Variants in ZNF722 observed in about 807,000 individuals in gnomAD.
ZNF722 encodes zinc finger protein 722, also known as zinc finger protein 479 pseudogene.
chr7:63,998,932 G>C, the ZNF722 span: 11 of 1,573,454 alleles, frequency 7.0e-6, no homozygotes, highest in Non-Finnish European at 9.6e-6. Flanking sequence ...AGCCTCTGTG[G>C]CCTTGTGTCC....
the ZNF722 span, chr7:64,014,903 T>C: frequency 1.3e-6 from 1 of 745,600 alleles, no homozygotes; most frequent in Non-Finnish European, 2.2e-6. Flanking sequence ...GAAGGAATTA[T>C]GGCCTGTGGT....
the ZNF722 span, among the ~76,000 whole-genome samples, chr7:64,009,375 G>A: frequency 6.6e-6 from 1 of 152,106 alleles, no homozygotes; most frequent in African/African-American, 2.4e-5. Context: ...TACTTTCTGT[G>A]GGTTTGTCAT....
the ZNF722 span, among the ~76,000 whole-genome samples, chr7:64,016,562 C>A: frequency 6.6e-6 from 1 of 152,126 alleles, no homozygotes; most frequent in East Asian, 1.9e-4. Flanking sequence ...TAGTCTTGAA[C>A]CCTTATTATA....
chr7:64,008,389 A>T, the ZNF722 span, among the ~76,000 whole-genome samples: 3 of 152,266 alleles, frequency 2.0e-5, no homozygotes, highest in African/African-American at 7.2e-5. Flanking sequence ...CTAACATTTG[A>T]GTCTTTAATC....
the ZNF722 span, chr7:64,015,430 T>A: frequency 2.5e-6 from 4 of 1,593,166 alleles, no homozygotes; most frequent in African/African-American, 4.0e-5. Context: ...GGCAAATCCT[T>A]TAAACGCTCC....
At chr7:64,015,039 C>T in the ZNF722 span, 1 of 1,331,294 alleles carries the variant, frequency 7.5e-7, no homozygotes, top group African/African-American at 1.4e-5. Flanking sequence ...TACGTGTTCT[C>T]ATTTCACCCA....
chr7:64,016,382 C>A, the ZNF722 span, among the ~76,000 whole-genome samples: 1 of 151,970 alleles, frequency 6.6e-6, no homozygotes, highest in Non-Finnish European at 1.5e-5. Flanking sequence ...AGGTGATCCA[C>A]CTGCCTCAGC....
chr7:64,015,078 C>T, the ZNF722 span: 4 of 1,388,608 alleles, frequency 2.9e-6, no homozygotes, highest in Non-Finnish European at 4.1e-6. Flanking sequence ...GGGCATAAAA[C>T]ATTCACTCCA....
the ZNF722 span, among the ~76,000 whole-genome samples, chr7:64,000,063 C>T: frequency 1.6e-4 from 25 of 151,826 alleles, no homozygotes; most frequent in East Asian, 3.9e-3. Context: ...CCACCTCAGC[C>T]TAATTACCTA....
At chr7:63,999,010 G>A in the ZNF722 span, 1 of 1,577,322 alleles carries the variant, frequency 6.3e-7, no homozygotes, top group Non-Finnish European at 8.7e-7. Context: ...GGTGAGTGCT[G>A]GGTCTGTCAT....
chr7:64,017,882 A>AT, the ZNF722 span, among the ~76,000 whole-genome samples: 2 of 152,126 alleles, frequency 1.3e-5, no homozygotes, highest in Non-Finnish European at 2.9e-5. Flanking sequence ...AAAAATTTAG[A>AT]TTTTCTGAAA....
chr7:64,015,059 T>A, the ZNF722 span: 1 of 1,361,868 alleles, frequency 7.3e-7, no homozygotes, highest in Non-Finnish European at 1.1e-6. Context: ...AAGACCTTCA[T>A]CCAGAGCAGG....
At chr7:64,015,685 G>C in the ZNF722 span, 1 of 1,613,180 alleles carries the variant, frequency 6.2e-7, no homozygotes, top group Non-Finnish European at 8.5e-7. Flanking sequence ...AAAGCCTTTA[G>C]CGTATCCTCA....
chr7:64,013,616 A>G, the ZNF722 span, among the ~76,000 whole-genome samples: 1 of 152,020 alleles, frequency 6.6e-6, no homozygotes, highest in East Asian at 1.9e-4. Context: ...TTTATGTTTT[A>G]TGATTATTTT....
the ZNF722 span, among the ~76,000 whole-genome samples, chr7:64,011,591 G>A: frequency 4.6e-5 from 7 of 152,100 alleles, no homozygotes; most frequent in Non-Finnish European, 1.0e-4. Context: ...CTCTCTTCTG[G>A]CTCATAGAGT....
At chr7:64,008,510 C>T in the ZNF722 span, among the ~76,000 whole-genome samples, 144 of 152,238 alleles carry the variant, frequency 9.5e-4, no homozygotes, top group African/African-American at 3.4e-3. Context: ...AATCCTTTCC[C>T]CATTTCTTGT....
the ZNF722 span, among the ~76,000 whole-genome samples, chr7:64,000,119 C>CTTTTTTT: frequency 7.0e-6 from 1 of 142,810 alleles, no homozygotes; most frequent in Non-Finnish European, 1.5e-5. Context: ...TTTTCCCTTA[C>CTTTTTTT]TTTTTTTTTT....
chr7:64,015,027 G>T, the ZNF722 span: 5 of 1,305,606 alleles, frequency 3.8e-6, no homozygotes, highest in Non-Finnish European at 5.5e-6. Flanking sequence ...ATGTCTTTCA[G>T]TTACGTGTTC....
chr7:64,016,534 TGTG>T, the ZNF722 span, among the ~76,000 whole-genome samples: 1 of 152,168 alleles, frequency 6.6e-6, no homozygotes, highest in African/African-American at 2.4e-5. Flanking sequence ...AAGCAAAGAA[TGTG>T]GTAACGCTTT....
Sources: gnomAD v4.1 joint callset for allele counts (sites outside exome capture counted in the v4.1 genomes callset) on GRCh38, gnomAD v4.1.1 for gene constraint, MANE v1.5 for transcripts, NCBI Gene and HGNC (gene_info 2026-07-23, HGNC 2026-07-21) for gene names.